The following SYT1 variants were observed in gnomAD, a reference collection of about 807,000 sequenced individuals.
The protein encoded by SYT1 is synaptotagmin 1, also known as synaptotagmin-1.
A neutral mutation model predicts 44.8 loss-of-function variants in SYT1; 8 were observed. That is an observed-to-expected ratio of 0.18 (90% confidence interval 0.10 to 0.32). The LOEUF (loss-of-function observed/expected upper bound fraction) is 0.32. Among genes scored for constraint, SYT1 ranks in the 10% least tolerant of loss-of-function variants. The pLI, the probability that SYT1 is intolerant of heterozygous loss-of-function variation, is 1.00. For missense variants in SYT1, 286 were observed against 509.3 expected (o/e 0.56, Z 4.22); for synonymous variants, 154 against 188.8 (o/e 0.82, Z 1.51).
chr12:79,223,978 A>C (rs745782741), intron 4 of SYT1, among the ~76,000 whole-genome samples: 1 of 152,176 alleles, frequency 6.6e-6, no homozygotes, highest in Non-Finnish European at 1.5e-5. Flanking sequence ...CAGGTGTTGT[A>C]GAACTGTCCT....
At chr12:79,306,642 G>C (rs1880411623) in intron 8 of SYT1, among the ~76,000 whole-genome samples, 1 of 152,182 alleles carries the variant, frequency 6.6e-6, no homozygotes, top group Non-Finnish European at 1.5e-5. Flanking sequence ...ATAGTACCAA[G>C]AAAATATAAT....
chr12:79,122,896 A>G (rs1213559917), intron 3 of SYT1, among the ~76,000 whole-genome samples: 1 of 152,212 alleles, frequency 6.6e-6, no homozygotes, highest in Admixed American at 6.5e-5. Flanking sequence ...TTTTATATAA[A>G]TGATGACACC....
intron 9 of SYT1, among the ~76,000 whole-genome samples, chr12:79,430,819 C>T (rs542703518): frequency 5.3e-5 from 8 of 152,258 alleles, no homozygotes; most frequent in Non-Finnish European, 7.4e-5. Flanking sequence ...ACAAAAGAGA[C>T]GCTCAGTAGG....
At chr12:79,321,359 G>A (rs1490860694) in intron 8 of SYT1, among the ~76,000 whole-genome samples, 1 of 152,184 alleles carries the variant, frequency 6.6e-6, no homozygotes, top group Non-Finnish European at 1.5e-5. Flanking sequence ...AGAAAAGCAT[G>A]AGGGTCCCTG....
intron 3 of SYT1, among the ~76,000 whole-genome samples, chr12:79,133,619 A>T (rs1868993512): frequency 6.6e-6 from 1 of 152,160 alleles, no homozygotes; most frequent in South Asian, 2.1e-4. Context: ...GACAGACCTA[A>T]ACTTGGGAGA....
At position 78,960,987 on chromosome 12, in the gene SYT1, C is replaced by T. The variant is rs768759529; in HGVS notation, c.-216-16812C>T. The stretch of plus-strand genomic sequence containing the variant: ...TCCATTAATTTTCTAAAGTTTTCTT[C>T]AAAAACACGTATATATTCATTCTAC... On this transcript the variant is annotated intron_variant, in intron 1 of 10. Coordinates refer to ENST00000261205, the MANE Select transcript of SYT1 (RefSeq NM_005639.3). 4.2e-4 allele frequency among the ~76,000 whole-genome samples: 64 copies of T among 152,080 alleles called. 1 individual carries two copies. Among genetic ancestry groups the T allele is most frequent in the Non-Finnish European group, 1.8e-4 (12 of 68,004 alleles).
intron 1 of SYT1, among the ~76,000 whole-genome samples, chr12:78,872,700 A>G (rs1272248878): frequency 6.6e-6 from 1 of 151,668 alleles, no homozygotes; most frequent in Non-Finnish European, 1.5e-5. Context: ...ATGAAGGTTT[A>G]GTACTTTTGA....
At chr12:78,895,342 T>C (rs1875299977) in intron 1 of SYT1, among the ~76,000 whole-genome samples, 2 of 151,776 alleles carry the variant, frequency 1.3e-5, no homozygotes, top group Admixed American at 6.6e-5. Flanking sequence ...TCAACTATAA[T>C]GTTTATTCTG....
At chr12:78,912,795 C>T (rs146586110) in intron 1 of SYT1, among the ~76,000 whole-genome samples, 3,405 of 151,976 alleles carry the variant, frequency 0.022, 73 homozygotes, top group Non-Finnish European at 0.038. Flanking sequence ...AATGCTCACA[C>T]ACTTGGGGTT....
At chr12:79,333,290 TCAGACGGGG>T (rs1412615628) in intron 8 of SYT1, among the ~76,000 whole-genome samples, 4 of 152,144 alleles carry the variant, frequency 2.6e-5, no homozygotes, top group African/African-American at 9.7e-5. Flanking sequence ...TCCTCACATG[TCAGACGGGG>T]CAAAGGAATT....
intron 3 of SYT1, among the ~76,000 whole-genome samples, chr12:79,138,159 C>G (rs1223470309): frequency 6.6e-6 from 1 of 152,178 alleles, no homozygotes; most frequent in African/African-American, 2.4e-5. Context: ...ACCTCTGAAG[C>G]TGTCTGACAT....
At chr12:78,921,717 A>G (rs1234461206) in intron 1 of SYT1, among the ~76,000 whole-genome samples, 1 of 151,938 alleles carries the variant, frequency 6.6e-6, no homozygotes, top group Non-Finnish European at 1.5e-5. Flanking sequence ...GAAGCAATTT[A>G]TATGCATATA....
intron 1 of SYT1, among the ~76,000 whole-genome samples, chr12:78,884,901 GT>G (rs1427408716): frequency 6.6e-6 from 1 of 151,752 alleles, no homozygotes; most frequent in Non-Finnish European, 1.5e-5. Context: ...TATGTATAGA[GT>G]TTTCATTACA....
chr12:79,398,500 G>C (rs1223212182), intron 9 of SYT1, among the ~76,000 whole-genome samples: 6 of 152,192 alleles, frequency 3.9e-5, no homozygotes, highest in Non-Finnish European at 7.3e-5. Context: ...TATGTAATAG[G>C]AAGTCAGTAA....
intron 1 of SYT1, among the ~76,000 whole-genome samples, chr12:78,937,782 G>A (rs1878142596): frequency 6.6e-6 from 1 of 152,118 alleles, no homozygotes; most frequent in Non-Finnish European, 1.5e-5. Flanking sequence ...CTATAATGCT[G>A]AAAATAATTC....
At position 78,876,909 on chromosome 12, in the gene SYT1, T is replaced by C. The variant is rs866800581; in HGVS notation, c.-217+11800T>C. ...TATATAATATATATTATATATTATATGTATTATATATAATATATATTATAT... is the reference window on the plus strand; with the variant it reads ...TATATAATATATATTATATATTATACGTATTATATATAATATATATTATAT... On this transcript the variant is annotated intron_variant, in intron 1 of 10. Coordinates refer to ENST00000261205, the MANE Select transcript of SYT1 (RefSeq NM_005639.3). 2.0e-3 allele frequency among the ~76,000 whole-genome samples: 182 copies of C among 90,238 alleles called. 1 individual carries two copies. The highest frequency in any genetic ancestry group is 5.6e-3 in the African/African-American group (149 of 26,670). 59.2% of individuals were successfully genotyped at this position (90,238 alleles called of 152,430 possible).
chr12:79,376,694 G>T (rs1185057770), intron 9 of SYT1, among the ~76,000 whole-genome samples: 1 of 152,050 alleles, frequency 6.6e-6, no homozygotes, highest in Non-Finnish European at 1.5e-5. Context: ...GACATAAATG[G>T]GCAATTTTCT....
intron 1 of SYT1, among the ~76,000 whole-genome samples, chr12:78,904,482 C>T (rs1019317823): frequency 2.6e-5 from 4 of 152,140 alleles, no homozygotes; most frequent in African/African-American, 9.7e-5. Context: ...CTCTATTCAC[C>T]AGTTTTCGAG....
At chr12:79,077,542 T>A (rs1305918305) in intron 3 of SYT1, among the ~76,000 whole-genome samples, 1 of 152,176 alleles carries the variant, frequency 6.6e-6, no homozygotes, top group Non-Finnish European at 1.5e-5. Context: ...ATCATGTTCT[T>A]GGGCAATTAA....
Sources: gnomAD v4.1 joint callset for allele counts (sites outside exome capture counted in the v4.1 genomes callset) on GRCh38, gnomAD v4.1.1 for gene constraint, MANE v1.5 for transcripts, NCBI Gene and HGNC (gene_info 2026-07-23, HGNC 2026-07-21) for gene names.